LINGO2: variants seen among roughly 807,000 people sequenced by gnomAD.
LINGO2 encodes leucine-rich repeat and immunoglobulin-like domain-containing nogo receptor-interacting protein 2.
Under a neutral mutation model 30.6 loss-of-function variants are expected in LINGO2, and 14 were observed. That is an observed-to-expected ratio of 0.46 (90% CI 0.30 to 0.72). LINGO2 has a LOEUF of 0.72. LINGO2 is among the 30% of genes least tolerant of loss of function. The pLI is 0.07. For missense variants in LINGO2, 729 were observed against 751.7 expected (o/e 0.97, Z 0.35); for synonymous variants, 317 against 288.5 (o/e 1.10, Z -1.00).
the LINGO2 span, among the ~76,000 whole-genome samples, chr9:29,120,253 A>G: frequency 6.6e-6 from 1 of 152,202 alleles, no homozygotes; most frequent in Non-Finnish European, 1.5e-5. Context: ...AAATTAAAAT[A>G]AAAGTGGCAT....
At chr9:28,280,183 A>G (rs1823269019) in intron 4 of LINGO2, among the ~76,000 whole-genome samples, 1 of 152,190 alleles carries the variant, frequency 6.6e-6, no homozygotes, top group Non-Finnish European at 1.5e-5. Context: ...AGTGTGCGGA[A>G]AAATTACATT....
the LINGO2 span, among the ~76,000 whole-genome samples, chr9:28,988,875 G>C: frequency 1.3e-5 from 2 of 152,158 alleles, no homozygotes; most frequent in African/African-American, 4.8e-5. Flanking sequence ...GAACATGCCA[G>C]TGTTTCAGGT....
At chr9:28,452,948 A>C (rs746374561) in intron 2 of LINGO2, among the ~76,000 whole-genome samples, 8 of 151,910 alleles carry the variant, frequency 5.3e-5, no homozygotes, top group African/African-American at 1.9e-4. Flanking sequence ...GTTAGACTTT[A>C]TTGTGCAAAA....
chr9:28,034,783 T>C (rs1823852300), intron 4 of LINGO2, among the ~76,000 whole-genome samples: 1 of 152,256 alleles, frequency 6.6e-6, no homozygotes, highest in Non-Finnish European at 1.5e-5. Context: ...ATTTAATAAT[T>C]TAAACTTACT....
In LINGO2 at chr9:28,580,060, T is replaced by C. The variant is rs539725091; in HGVS notation, c.-365+90140A>G. ...TGTGAAAATCCATGGCTTTAATTGC[T>C]ATAGCAAAAGAAGCAGTGCAGAATG... On this transcript the variant is annotated intron_variant, in intron 1 of 5. Transcript: ENST00000379992. Among the ~76,000 whole-genome samples, 6 of 152,222 alleles carry C rather than the reference T, an allele frequency of 3.9e-5. No individual in the cohort carries two copies. The South Asian group carries it at 1.2e-3, about 32-fold the overall frequency.
intron 4 of LINGO2, among the ~76,000 whole-genome samples, chr9:28,174,825 A>G (rs1297383280): frequency 2.0e-5 from 3 of 152,122 alleles, no homozygotes; most frequent in Non-Finnish European, 2.9e-5. Flanking sequence ...TATGAAACAT[A>G]TATCTTTGGG....
the LINGO2 span, among the ~76,000 whole-genome samples, chr9:28,946,817 G>A: frequency 6.6e-6 from 1 of 152,076 alleles, no homozygotes; most frequent in Non-Finnish European, 1.5e-5. Flanking sequence ...ACCACAGAGA[G>A]AGTGCTTTAC....
At chr9:29,189,122 G>T in the LINGO2 span, among the ~76,000 whole-genome samples, 4 of 120,180 alleles carry the variant, frequency 3.3e-5, no homozygotes, top group South Asian at 2.6e-4. Context: ...CCTCCCGGAC[G>T]GGGCGGCTGG....
chr9:28,518,081 G>T (rs1471594801), intron 1 of LINGO2, among the ~76,000 whole-genome samples: 1 of 152,050 alleles, frequency 6.6e-6, no homozygotes, highest in African/African-American at 2.4e-5. Context: ...GTGATGTATG[G>T]AGCAGAGTCA....
chr9:28,342,015 A>G (rs1322898781), intron 3 of LINGO2, among the ~76,000 whole-genome samples: 3 of 152,140 alleles, frequency 2.0e-5, no homozygotes, highest in Non-Finnish European at 2.9e-5. Context: ...GTAATTCCAA[A>G]TACCAAAAAA....
chr9:28,390,137 G>A (rs1821765582), intron 2 of LINGO2, among the ~76,000 whole-genome samples: 1 of 152,102 alleles, frequency 6.6e-6, no homozygotes, highest in South Asian at 2.1e-4. Context: ...TGCCCAACTA[G>A]TAAATGCCTG....
the LINGO2 span, among the ~76,000 whole-genome samples, chr9:28,811,534 C>T: frequency 6.6e-6 from 1 of 152,128 alleles, no homozygotes; most frequent in African/African-American, 2.4e-5. Flanking sequence ...AATCTGTTCC[C>T]ATTCATTTAT....
At chr9:28,406,519 G>T (rs1224313325) in intron 2 of LINGO2, among the ~76,000 whole-genome samples, 2 of 152,112 alleles carry the variant, frequency 1.3e-5, no homozygotes, top group Non-Finnish European at 2.9e-5. Context: ...CCAGACATTA[G>T]CTTGCTATTC....
At chr9:28,421,693 T>C (rs1423563689) in intron 2 of LINGO2, among the ~76,000 whole-genome samples, 4 of 152,078 alleles carry the variant, frequency 2.6e-5, no homozygotes, top group Non-Finnish European at 5.9e-5. Context: ...ATGAACACCA[T>C]CTGCATTTAA....
chr9:28,724,686 G>T, the LINGO2 span, among the ~76,000 whole-genome samples: 6 of 152,068 alleles, frequency 3.9e-5, no homozygotes, highest in Non-Finnish European at 8.8e-5. Flanking sequence ...GATGTGGGTT[G>T]GGAAAATTAA....
At chr9:28,078,143 A>T (rs543559231) in intron 4 of LINGO2, among the ~76,000 whole-genome samples, 1 of 149,382 alleles carries the variant, frequency 6.7e-6, no homozygotes, top group Non-Finnish European at 1.5e-5. Flanking sequence ...TTTATATTCC[A>T]TCATTTCTGC....
At chr9:28,208,249 A>G (rs1279198980) in intron 4 of LINGO2, among the ~76,000 whole-genome samples, 1 of 152,232 alleles carries the variant, frequency 6.6e-6, no homozygotes, top group South Asian at 2.1e-4. Flanking sequence ...CACAAGCCTT[A>G]GGACCAAAAA....
At chr9:28,884,309 G>C in the LINGO2 span, among the ~76,000 whole-genome samples, 2 of 151,932 alleles carry the variant, frequency 1.3e-5, no homozygotes, top group Non-Finnish European at 2.9e-5. Context: ...TATTACCCTT[G>C]ATAATTGTAT....
chr9:28,836,481 A>AT, the LINGO2 span, among the ~76,000 whole-genome samples: 3 of 151,558 alleles, frequency 2.0e-5, 1 homozygote, highest in South Asian at 4.2e-4. Flanking sequence ...CACCCAGCTA[A>AT]TTTTTTGCAT....
Sources: allele counts gnomAD v4.1 joint callset (sites outside exome capture counted in the v4.1 genomes callset), GRCh38; gene constraint gnomAD v4.1.1; transcripts MANE v1.5; gene names NCBI Gene and HGNC (gene_info 2026-07-23, HGNC 2026-07-21).